The following PTPRN2 variants were observed in gnomAD, a reference collection of about 807,000 sequenced individuals.
PTPRN2 encodes receptor-type tyrosine-protein phosphatase N2.
PTPRN2 carries 74 observed loss-of-function variants against 118.8 expected under a neutral mutation model. The observed-to-expected ratio is 0.62, with a 90% CI of 0.52 to 0.76. The LOEUF (loss-of-function observed/expected upper bound fraction) is 0.76, where lower values mean the gene tolerates loss of function less well. Ranked by LOEUF, PTPRN2 falls within the 30% of genes least tolerant of loss-of-function variation. PTPRN2 has a pLI of 0.00. For synonymous variants in PTPRN2, 641 were observed against 608.0 expected (o/e 1.05, Z -0.80); for missense variants, 1,481 against 1,394.4 (o/e 1.06, Z -0.99).
intron 6 of PTPRN2, among the ~76,000 whole-genome samples, chr7:158,159,701 C>A (rs1822187456): frequency 6.6e-6 from 1 of 152,196 alleles, no homozygotes; most frequent in South Asian, 2.1e-4. Flanking sequence ...TCTGATGCAT[C>A]TCCTAAAGTG....
intron 2 of PTPRN2, among the ~76,000 whole-genome samples, chr7:158,337,468 C>A (rs1332702736): frequency 3.3e-5 from 5 of 149,456 alleles, no homozygotes; most frequent in African/African-American, 1.0e-4. Flanking sequence ...AACCCACACT[C>A]TCACCATAAG....
Position 157,999,416 on chromosome 7 carries a change from G to A in PTPRN2, c.1723+81882C>T, listed in dbSNP as rs558597866. Among the ~76,000 whole-genome samples the A allele has an allele frequency of 4.6e-5, 7 of 152,232 alleles. No individual in the cohort carries two copies. The South Asian group carries it at 6.2e-4, about 14-fold the overall frequency. On this transcript the variant is annotated intron_variant, in intron 11 of 22. Transcript: ENST00000389418. ...AGACGCTCTCGTTTTCACGTGCCAC[G>A]GAGCTACACAAAGATAAAGCAGCCC...
At chr7:158,391,670 CT>C (rs1401899976) in intron 2 of PTPRN2, among the ~76,000 whole-genome samples, 1 of 152,206 alleles carries the variant, frequency 6.6e-6, no homozygotes. Flanking sequence ...CATAGAGCAG[CT>C]GGAGTCCCAC....
At chr7:158,488,188 C>T (rs547932800) in intron 2 of PTPRN2, among the ~76,000 whole-genome samples, 2 of 152,246 alleles carry the variant, frequency 1.3e-5, no homozygotes, top group East Asian at 3.9e-4. Context: ...TCCAGGCAGA[C>T]GACGTAGGAT....
At chr7:157,783,311 C>T (rs570736643) in intron 12 of PTPRN2, among the ~76,000 whole-genome samples, 7 of 151,876 alleles carry the variant, frequency 4.6e-5, no homozygotes, top group Non-Finnish European at 7.4e-5. Flanking sequence ...CTGTTACTCA[C>T]GTTCCCATCT....
At chr7:158,299,530 T>A (rs1800734935) in intron 3 of PTPRN2, among the ~76,000 whole-genome samples, 1 of 152,142 alleles carries the variant, frequency 6.6e-6, no homozygotes, top group Admixed American at 6.5e-5. Flanking sequence ...ACTCCTGACC[T>A]CTTGATCCGC....
intron 19 of PTPRN2, among the ~76,000 whole-genome samples, chr7:157,572,083 C>G (rs547118866): frequency 6.6e-6 from 1 of 152,148 alleles, no homozygotes; most frequent in Non-Finnish European, 1.5e-5. Context: ...CTTCATTGTG[C>G]AGAGTTTAGA....
chr7:158,002,411 T>C (rs1208120855), intron 11 of PTPRN2, among the ~76,000 whole-genome samples: 4 of 152,038 alleles, frequency 2.6e-5, no homozygotes, highest in African/African-American at 4.8e-5. Flanking sequence ...TGAGGGGAAA[T>C]GTTGTAAACT....
chr7:157,581,942 C>A (rs1380252481), intron 17 of PTPRN2, among the ~76,000 whole-genome samples: 5 of 152,186 alleles, frequency 3.3e-5, no homozygotes, highest in African/African-American at 1.2e-4. Flanking sequence ...TTGTGGCCAC[C>A]CACGCCACAC....
intron 2 of PTPRN2, among the ~76,000 whole-genome samples, chr7:158,350,266 G>T (rs941864934): frequency 6.6e-6 from 1 of 152,134 alleles, no homozygotes. Context: ...TTCCATCTCC[G>T]CTCCCTCTGG....
chr7:158,017,798 G>A (rs7799340), intron 11 of PTPRN2, among the ~76,000 whole-genome samples: 128,359 of 152,026 alleles, frequency 0.84, 54,363 homozygotes, highest in Non-Finnish European at 0.89. Context: ...CGGCTCCACA[G>A]CTCACACCTC....
intron 11 of PTPRN2, among the ~76,000 whole-genome samples, chr7:157,994,447 G>A (rs1175394015): frequency 5.4e-5 from 8 of 146,874 alleles, no homozygotes; most frequent in East Asian, 2.0e-4. Context: ...TCATTGGGAT[G>A]AATCTGAGGC....
chr7:157,945,347 C>T (rs1800408632), intron 11 of PTPRN2, among the ~76,000 whole-genome samples: 2 of 152,090 alleles, frequency 1.3e-5, no homozygotes, highest in African/African-American at 4.8e-5. Context: ...CCCATGGGCA[C>T]ACTGACCCCG....
intron 2 of PTPRN2, among the ~76,000 whole-genome samples, chr7:158,338,615 G>A (rs1388036996): frequency 2.3e-4 from 18 of 77,024 alleles, no homozygotes; most frequent in Non-Finnish European, 4.3e-4. Context: ...GCCCACAGAG[G>A]ACACTCACAC....
chr7:158,074,798 CCAGCAGGATCAGCA>C (rs1812219113), intron 11 of PTPRN2, among the ~76,000 whole-genome samples: 1 of 152,216 alleles, frequency 6.6e-6, no homozygotes, highest in Non-Finnish European at 1.5e-5. Flanking sequence ...GCACCCTCTG[CCAGCAGGATCAGCA>C]TTGCTCGTTC....
chr7:158,206,587 G>A (rs762042844), intron 3 of PTPRN2, among the ~76,000 whole-genome samples: 9 of 152,098 alleles, frequency 5.9e-5, no homozygotes, highest in Admixed American at 1.3e-4. Flanking sequence ...GAGAGAGACC[G>A]TCCGTTCGTT....
At chr7:158,377,462 C>G (rs911182994) in intron 2 of PTPRN2, among the ~76,000 whole-genome samples, 5 of 152,220 alleles carry the variant, frequency 3.3e-5, no homozygotes, top group South Asian at 4.1e-4. Flanking sequence ...CCAGCATCAT[C>G]ACGCATAAGA....
chr7:157,972,682 G>A (rs1348128823), intron 11 of PTPRN2, among the ~76,000 whole-genome samples: 2 of 132,352 alleles, frequency 1.5e-5, no homozygotes, highest in Middle Eastern at 4.1e-3. Flanking sequence ...CACCACGAGA[G>A]CAGGGCTTCA....
At chr7:158,136,275 G>C (rs1026422568) in intron 8 of PTPRN2, among the ~76,000 whole-genome samples, 1 of 152,248 alleles carries the variant, frequency 6.6e-6, no homozygotes, top group Non-Finnish European at 1.5e-5. Flanking sequence ...GGGACAGCCA[G>C]GTGTGAGTGA....
Sources: gnomAD v4.1 joint callset for allele counts (sites outside exome capture counted in the v4.1 genomes callset) on GRCh38, gnomAD v4.1.1 for gene constraint, MANE v1.5 for transcripts, NCBI Gene and HGNC (gene_info 2026-07-23, HGNC 2026-07-21) for gene names.